Variants in PPP1R12A observed in about 807,000 individuals in gnomAD.
PPP1R12A encodes the protein protein phosphatase 1 regulatory subunit 12A, also known as myosin binding subunit.
Under a neutral mutation model 139.6 loss-of-function variants are expected in PPP1R12A, and 19 were observed. That is an observed-to-expected ratio of 0.14 (90% CI 0.09 to 0.20). The LOEUF is 0.20. Ranked by LOEUF, PPP1R12A falls within the 10% of genes least tolerant of loss-of-function variation. The probability of loss-of-function intolerance (pLI) is 1.00; values close to 1 mark genes in which losing one functional copy is unlikely to be tolerated. For missense variants in PPP1R12A, 925 were observed against 1,211.5 expected, an observed-to-expected ratio of 0.76 and a Z score of 3.51; for synonymous variants, 427 against 420.6, an observed-to-expected ratio of 1.02 and a Z score of -0.19.
At chr12:79,793,657 C>T in intron 19 of PPP1R12A, 1 of 468,944 alleles carries the variant, frequency 2.1e-6, no homozygotes, top group African/African-American at 2.1e-5. Flanking sequence ...AGACTCAGAA[C>T]ATTTTCATCA....
chr12:79,794,029 A>G (rs1872204733), intron 18 of PPP1R12A, 101 bp from the exon 19 acceptor site: 1 of 779,720 alleles, frequency 1.3e-6, no homozygotes, highest in Non-Finnish European at 2.0e-6. Flanking sequence ...CTCAGAATAT[A>G]CATTGAGACA....
At position 79,912,365 on chromosome 12, in the gene PPP1R12A, C is replaced by T. The variant is rs1228524994; in HGVS notation, c.237+22330G>A. 3.9e-5 allele frequency among the ~76,000 whole-genome samples: 6 copies of T among 152,078 alleles called. No homozygotes were observed. The South Asian group carries it at 6.2e-4, about 16-fold the overall frequency. Reference sequence around the variant, plus strand: ...ATTCCTTAGCTCCCAGTATTATGACCGGCACACACAAGGCAGGCAAACATT... The same window carrying T: ...ATTCCTTAGCTCCCAGTATTATGACTGGCACACACAAGGCAGGCAAACATT... On this transcript the variant is annotated intron_variant, in intron 1 of 24. Transcript: ENST00000450142.
chr12:79,866,556 T>C (rs1881984136), intron 2 of PPP1R12A, among the ~76,000 whole-genome samples: 1 of 151,960 alleles, frequency 6.6e-6, no homozygotes, highest in Admixed American at 6.6e-5. Context: ...TCGGAGAAAA[T>C]TTTTGCAATC....
chr12:79,861,732 G>T (rs142080886), intron 2 of PPP1R12A, among the ~76,000 whole-genome samples: 2 of 152,168 alleles, frequency 1.3e-5, no homozygotes, highest in African/African-American at 4.8e-5. Flanking sequence ...AACCTGCAAT[G>T]TGGGAGCTTG....
intron 1 of PPP1R12A, among the ~76,000 whole-genome samples, chr12:79,899,234 ATATATATATATATAT>A (rs1226712182): frequency 5.8e-4 from 2 of 3,470 alleles, no homozygotes; most frequent in African/African-American, 6.6e-4. Flanking sequence ...GATCTTAAAA[ATATATATATATATAT>A]ATATATATAT....
chr12:79,778,633 A>G (rs948684802), intron 23 of PPP1R12A, 33 bp from the exon 24 acceptor site: 19 of 1,361,230 alleles, frequency 1.4e-5, no homozygotes, highest in Non-Finnish European at 1.7e-5. Context: ...TGTTAGTTAT[A>G]TAATTATTAT....
At chr12:79,934,452 A>G (rs965876342) in intron 1 of PPP1R12A, among the ~76,000 whole-genome samples, 1 of 152,086 alleles carries the variant, frequency 6.6e-6, no homozygotes, top group African/African-American at 2.4e-5. Context: ...CTTTTCCCCT[A>G]TGCCCCGGAA....
At chr12:79,827,242 C>A (rs1204278886) in intron 5 of PPP1R12A, among the ~76,000 whole-genome samples, 2 of 151,996 alleles carry the variant, frequency 1.3e-5, no homozygotes, top group Non-Finnish European at 2.9e-5. Context: ...AATCATTCCC[C>A]CAAATTTTTT....
intron 1 of PPP1R12A, among the ~76,000 whole-genome samples, chr12:79,918,178 C>T (rs1355063051): frequency 6.6e-6 from 1 of 151,300 alleles, no homozygotes; most frequent in East Asian, 1.9e-4. Context: ...AAAACATAAT[C>T]ACGAATCTGT....
rs1206797420 is a variant in PPP1R12A, at chr12:79,806,108, C to T, written c.1823+58G>A. ...AGCCCCACAATCTTCTAAACAAAAA[C>T]GCATGCACATACATAAGCACACAGT... is the stretch of plus-strand genomic sequence containing the variant. On this transcript the variant is annotated intron_variant, in intron 13 of 24. Transcript: ENST00000450142. 3.0e-5 allele frequency: 45 copies of T among 1,520,872 alleles called. No homozygotes were observed. The Middle Eastern group carries it at 5.3e-4, about 18-fold the overall frequency. 94.2% of individuals were successfully genotyped at this position (1,520,872 alleles called of 1,614,324 possible).
At chr12:79,844,458 A>T (rs1163180105) in intron 3 of PPP1R12A, among the ~76,000 whole-genome samples, 1 of 152,172 alleles carries the variant, frequency 6.6e-6, no homozygotes, top group Non-Finnish European at 1.5e-5. Context: ...CTAATGACTC[A>T]ATAATCCTCT....
chr12:79,926,798 C>G (rs1031104161), intron 1 of PPP1R12A, among the ~76,000 whole-genome samples: 30 of 152,102 alleles, frequency 2.0e-4, no homozygotes, highest in African/African-American at 5.8e-4. Context: ...TTCTTCCCCC[C>G]CACCCCCAGT....
Position 79,788,731 on chromosome 12 carries a change from G to T in PPP1R12A, c.2719C>A (p.Arg907Ser), listed in dbSNP as rs753961256. ...TCTAAGTAACTGTATGATCCAGAGC[G>T]ACCCAGCAAGGAATCATATCGATCA... ...AGDRYDSLLG[R>S]SGSYSYLEER... is the part of the protein sequence containing the mutation. Residue 907 changes from arginine (R) to serine (S), a missense_variant, in exon 21 of 25, where the codon CGC (arginine) becomes AGC (serine). Transcript: ENST00000450142. 17 of 1,612,592 alleles carry T rather than the reference G, an allele frequency of 1.1e-5. No homozygotes were observed. The South Asian group carries it at 1.8e-4, about 17-fold the overall frequency.
intron 1 of PPP1R12A, among the ~76,000 whole-genome samples, chr12:79,906,797 C>T (rs1170763955): frequency 6.6e-6 from 1 of 152,110 alleles, no homozygotes; most frequent in Non-Finnish European, 1.5e-5. Flanking sequence ...GCGCCCACCA[C>T]CACGCCCAGC....
Position 79,798,594 on chromosome 12 carries a change from T to C in PPP1R12A, c.2001-10A>G. The C allele has an allele frequency of 1.3e-6, 2 of 1,492,194 alleles. No homozygotes were observed. The highest frequency in any genetic ancestry group is 1.8e-6 in the Non-Finnish European group (2 of 1,099,328). 92.4% of individuals were successfully genotyped at this position (1,492,194 alleles called of 1,614,324 possible). ...AGGAGTGAGGTATGATCTACAGTAG[T>C]AAATTGAAAAATCGTTAGTTGTAAA... On this transcript the variant is annotated splice_polypyrimidine_tract_variant and intron_variant, in intron 14 of 24. Coordinates refer to ENST00000450142, the MANE Select transcript of PPP1R12A (RefSeq NM_002480.3).
At chr12:79,838,049 AG>A (rs1878292799) in intron 3 of PPP1R12A, among the ~76,000 whole-genome samples, 1 of 152,222 alleles carries the variant, frequency 6.6e-6, no homozygotes, top group South Asian at 2.1e-4. Context: ...AGAGGAAGAC[AG>A]GAAGATGTAG....
chr12:79,862,142 G>A (rs897852530), intron 2 of PPP1R12A, among the ~76,000 whole-genome samples: 3 of 152,182 alleles, frequency 2.0e-5, no homozygotes, highest in Admixed American at 6.5e-5. Flanking sequence ...AATATTTGCT[G>A]TTCTGCAGCC....
chr12:79,793,216 AC>A (rs1215731602), intron 19 of PPP1R12A, among the ~76,000 whole-genome samples: 4 of 152,162 alleles, frequency 2.6e-5, no homozygotes, highest in African/African-American at 9.7e-5. Context: ...ACACAGCCAA[AC>A]AATCAGGAAG....
chr12:79,808,192 C>A (rs1483845009), intron 11 of PPP1R12A, among the ~76,000 whole-genome samples: 1 of 151,908 alleles, frequency 6.6e-6, no homozygotes, highest in African/African-American at 2.4e-5. Flanking sequence ...TCTTCTTTCC[C>A]CTTTCCTAAA....
Sources: gnomAD v4.1 joint callset for allele counts (sites outside exome capture counted in the v4.1 genomes callset) on GRCh38, gnomAD v4.1.1 for gene constraint, MANE v1.5 for transcripts, NCBI Gene and HGNC (gene_info 2026-07-23, HGNC 2026-07-21) for gene names.